MBNL1: variants seen among roughly 807,000 people sequenced by gnomAD.
The protein encoded by MBNL1 is muscleblind like splicing regulator 1.
A neutral mutation model predicts 42.2 loss-of-function variants in MBNL1; 8 were observed. The ratio of observed to expected loss-of-function variants is 0.19; its 90% CI spans 0.11 to 0.34. MBNL1 has a LOEUF of 0.34. MBNL1 is among the 10% of genes least tolerant of loss of function. The pLI is 1.00. For missense variants in MBNL1, 309 were observed against 495.3 expected (o/e 0.62, Z 3.57); for synonymous variants, 169 against 173.9 (o/e 0.97, Z 0.22).
At chr3:152,306,883 C>A (rs997865496) in intron 2 of MBNL1, among the ~76,000 whole-genome samples, 2 of 152,202 alleles carry the variant, frequency 1.3e-5, no homozygotes, top group Admixed American at 6.5e-5. Context: ...GTCATCACTT[C>A]TGTCTTGCTT....
chr3:152,301,648 A>G (rs887539802), intron 2 of MBNL1, among the ~76,000 whole-genome samples: 7 of 152,344 alleles, frequency 4.6e-5, no homozygotes, highest in African/African-American at 1.7e-4. Context: ...TCTTAATGTC[A>G]TAGTCCTAAA....
At chr3:152,346,697 T>G (rs767084051) in intron 2 of MBNL1, among the ~76,000 whole-genome samples, 21 of 152,078 alleles carry the variant, frequency 1.4e-4, no homozygotes, top group Middle Eastern at 3.4e-3. Flanking sequence ...AAAATGAAGG[T>G]TATCTGTTGC....
At chr3:152,248,811 C>G (rs991121257) in intron 2 of MBNL1, among the ~76,000 whole-genome samples, 1 of 149,998 alleles carries the variant, frequency 6.7e-6, no homozygotes, top group Non-Finnish European at 1.5e-5. Flanking sequence ...TGTTCCCCTT[C>G]CTGTGTCCAT....
intron 1 of MBNL1, among the ~76,000 whole-genome samples, chr3:152,281,498 A>T (rs2048446809): frequency 6.6e-6 from 1 of 152,046 alleles, no homozygotes; most frequent in Non-Finnish European, 1.5e-5. Flanking sequence ...CTTTGAAAGG[A>T]GGGGTATATC....
chr3:152,449,020 G>A (rs756685974), intron 6 of MBNL1, among the ~76,000 whole-genome samples: 9 of 152,014 alleles, frequency 5.9e-5, no homozygotes, highest in Non-Finnish European at 1.2e-4. Flanking sequence ...TTTCTCTTAT[G>A]TTTTGTAATA....
chr3:152,349,487 A>G (rs1035843396), intron 2 of MBNL1, among the ~76,000 whole-genome samples: 2 of 152,166 alleles, frequency 1.3e-5, no homozygotes, highest in African/African-American at 2.4e-5. Context: ...CTGACTTTGA[A>G]CAGATTATTG....
chr3:152,398,728 T>C (rs2098091600), intron 2 of MBNL1, among the ~76,000 whole-genome samples: 1 of 152,180 alleles, frequency 6.6e-6, no homozygotes, highest in Non-Finnish European at 1.5e-5. Context: ...TTATGTCCTT[T>C]CCACCCCATT....
intron 1 of MBNL1, among the ~76,000 whole-genome samples, chr3:152,280,133 A>G (rs1389127342): frequency 6.6e-6 from 1 of 152,168 alleles, no homozygotes; most frequent in African/African-American, 2.4e-5. Flanking sequence ...TGTGCCATGT[A>G]TCATGCTATA....
At chr3:152,348,157 A>ATTT (rs2094509981) in intron 2 of MBNL1, among the ~76,000 whole-genome samples, 1 of 152,148 alleles carries the variant, frequency 6.6e-6, no homozygotes, top group Non-Finnish European at 1.5e-5. Context: ...GAGAAAAGGA[A>ATTT]TGTAATGGGA....
chr3:152,264,889 T>C (rs1446253212), upstream of MBNL1: 3 of 152,020 alleles, frequency 2.0e-5, no homozygotes, highest in African/African-American at 7.2e-5. Context: ...ATACGTGTTA[T>C]ACATACAATA....
chr3:152,386,359 G>T (rs983275202), intron 2 of MBNL1, among the ~76,000 whole-genome samples: 2 of 151,974 alleles, frequency 1.3e-5, no homozygotes, highest in African/African-American at 2.4e-5. Flanking sequence ...TTCAAGTGTA[G>T]ATGACTGAAG....
chr3:152,412,458 T>C (rs1417573810), intron 2 of MBNL1, among the ~76,000 whole-genome samples: 2 of 152,142 alleles, frequency 1.3e-5, no homozygotes, highest in East Asian at 1.9e-4. Flanking sequence ...TCACCAAATA[T>C]CAGTTGATTC....
intron 2 of MBNL1, among the ~76,000 whole-genome samples, chr3:152,344,061 CT>C (rs58995892): frequency 3.1e-5 from 1 of 31,818 alleles, no homozygotes; most frequent in Non-Finnish European, 7.2e-5. Flanking sequence ...AAAAGATGAC[CT>C]TTTTTTGGGG....
intron 2 of MBNL1, among the ~76,000 whole-genome samples, chr3:152,359,606 C>G (rs556288486): frequency 1.2e-4 from 18 of 152,182 alleles, no homozygotes; most frequent in Admixed American, 2.6e-4. Context: ...TAAGCTGGCT[C>G]CTGCACATTC....
In MBNL1 at chr3:152,300,030, C is replaced by T. The variant is rs771223286; in HGVS notation, c.-164C>T. On this transcript the variant is annotated 5_prime_UTR_variant, in exon 2 of 10. In the 5' UTR this introduces an upstream ATG that the reference lacks. Coordinates refer to ENST00000324210, the MANE Select transcript of MBNL1 (RefSeq NM_021038.5). The stretch of plus-strand genomic sequence containing the variant: ...TGGGAGATCTTTTCCTTGATATTGA[C>T]GACACAATTTTCCATGTACTTTTAA... 36 of 528,182 alleles carry T rather than the reference C, an allele frequency of 6.8e-5. No homozygotes were observed. The East Asian group carries it at 7.8e-4, about 11-fold the overall frequency. 32.7% of individuals were successfully genotyped at this position (528,182 alleles called of 1,614,324 possible).
intron 2 of MBNL1, among the ~76,000 whole-genome samples, chr3:152,324,241 C>T (rs1389132788): frequency 6.6e-6 from 1 of 152,168 alleles, no homozygotes; most frequent in African/African-American, 2.4e-5. Flanking sequence ...TATTCATTTT[C>T]ATTGCCTTTC....
chr3:152,379,155 T>C (rs1346862533), intron 2 of MBNL1, among the ~76,000 whole-genome samples: 1 of 152,232 alleles, frequency 6.6e-6, no homozygotes, highest in East Asian at 1.9e-4. Context: ...ATTAAAAATT[T>C]GTCATATAAA....
chr3:152,377,649 CAT>C (rs1313372602), intron 2 of MBNL1, among the ~76,000 whole-genome samples: 2 of 152,168 alleles, frequency 1.3e-5, no homozygotes, highest in Non-Finnish European at 2.9e-5. Context: ...CACACATTAA[CAT>C]ATTTGGAGGC....
chr3:152,383,013 T>C (rs1026745238), intron 2 of MBNL1, among the ~76,000 whole-genome samples: 2 of 152,100 alleles, frequency 1.3e-5, no homozygotes, highest in Non-Finnish European at 2.9e-5. Flanking sequence ...ATTCCGTCTT[T>C]GGACTCAAGG....
Sources: allele counts gnomAD v4.1 joint callset (sites outside exome capture counted in the v4.1 genomes callset), GRCh38; gene constraint gnomAD v4.1.1; transcripts MANE v1.5; gene names NCBI Gene and HGNC (gene_info 2026-07-23, HGNC 2026-07-21).